The following RHPN1 variants were observed in gnomAD, a reference collection of about 807,000 sequenced individuals.
The protein encoded by RHPN1 is rhophilin Rho GTPase binding protein 1, also known as rhophilin-1.
Under a neutral mutation model 74.7 loss-of-function variants are expected in RHPN1, and 77 were observed. The ratio of observed to expected loss-of-function variants is 1.03; its 90% CI spans 0.86 to 1.25. The LOEUF is 1.25. Among genes scored for constraint, RHPN1 ranks in the 50% most tolerant of loss-of-function variants. The probability of loss-of-function intolerance (pLI) is 0.00; values close to 1 mark genes in which losing one functional copy is unlikely to be tolerated. For synonymous variants in RHPN1, 444 were observed against 414.5 expected (o/e 1.07, Z -0.87); for missense variants, 987 against 932.2 (o/e 1.06, Z -0.77).
chr8:143,381,453 A>G, intron 12 of RHPN1, 109 bp downstream of exon 12: 3 of 1,457,858 alleles, frequency 2.1e-6, no homozygotes, highest in Non-Finnish European at 1.9e-6. Context: ...AGCCCTCCCC[A>G]CCCACCTTGT....
chr8:143,366,416 T>C (rs1469173680), upstream of RHPN1, among the ~76,000 whole-genome samples: 2 of 151,648 alleles, frequency 1.3e-5, no homozygotes, highest in East Asian at 3.9e-4. Flanking sequence ...AAAAGGAAAC[T>C]CTAAATTTTT....
Position 143,380,735 on chromosome 8 carries a change from G to T in RHPN1, c.1363G>T (p.Asp455Tyr). 1.3e-6 allele frequency: 2 copies of T among 1,594,536 alleles called. No individual in the cohort carries two copies. The highest frequency in any genetic ancestry group is 8.5e-7 in the Non-Finnish European group (1 of 1,170,950). ...CTCACTGGCCAAGTATGCGGAGCTC[G>T]ACCGTGAGGATGACTTCTGTGAGGC... Reference protein sequence around the residue: ...QRSLAKYAELDREDDFCEAAE... With the variant: ...QRSLAKYAELYREDDFCEAAE... Residue 455 changes from aspartate to tyrosine, a missense_variant, in exon 11 of 15, where the codon GAC becomes TAC. Asp to Tyr is a radical substitution (Grantham distance 160). Coordinates refer to ENST00000289013, the MANE Select transcript of RHPN1 (RefSeq NM_052924.3).
Position 143,372,386 on chromosome 8 carries a change from T to G in RHPN1, c.61-3167T>G, listed in dbSNP as rs528147824. Among the ~76,000 whole-genome samples, 126 of 152,194 alleles carry G rather than the reference T, an allele frequency of 8.3e-4. 1 individual carries two copies. Among genetic ancestry groups the G allele is most frequent in the Admixed American group, 7.7e-3 (118 of 15,288 alleles). On this transcript the variant is annotated intron_variant, in intron 1 of 14. Transcript: ENST00000289013. Reference sequence around the variant, plus strand: ...CATGCCCCTCTCCCACCTGTGGGCCTCTCCAGCCCGAGTCCCTGAAGCAGC... The same window carrying G: ...CATGCCCCTCTCCCACCTGTGGGCCGCTCCAGCCCGAGTCCCTGAAGCAGC...
At chr8:143,377,531 C>T in intron 4 of RHPN1, 76 bp downstream of exon 4, 1 of 1,038,910 alleles carries the variant, frequency 9.6e-7, no homozygotes, top group Non-Finnish European at 1.5e-6. Context: ...CTTTCTGGTC[C>T]AGCTGTCTGG....
chr8:143,366,519 ACACACACACACACG>A (rs1457296872), upstream of RHPN1: 3 of 151,902 alleles, frequency 2.0e-5, no homozygotes, highest in East Asian at 1.9e-4. Context: ...ACACACACAC[ACACACACACACACG>A]CACACACGCA....
chr8:143,376,630 C>A lies in RHPN1; in HGVS notation c.282C>A (p.Gly94=). 4 of 1,580,480 alleles carry A rather than the reference C, an allele frequency of 2.5e-6. No homozygotes were observed. Among genetic ancestry groups the A allele is most frequent in the Non-Finnish European group, 3.4e-6 (4 of 1,163,656 alleles). The change falls in exon 3 of 15, where the codon GGC becomes GGA. Residue 94 remains glycine (G), a synonymous_variant. Transcript: ENST00000289013. The part of the protein sequence containing the change: ...LKEELEELSG[G]VDPGRHGSEA... ...AGGAGCTGGAGGAGCTCAGCGGTGG[C>A]GTGGACCCTGGCCGGCATGGGAGGT...
intron 2 of RHPN1, 54 bp downstream of exon 2, chr8:143,375,722 G>GTT: frequency 7.2e-7 from 1 of 1,380,372 alleles, no homozygotes; most frequent in Non-Finnish European, 1.0e-6. Flanking sequence ...GGGTGAGGGG[G>GTT]GCAGGACAGC....
upstream of RHPN1, chr8:143,367,464 C>T (rs1388157788): frequency 2.0e-5 from 3 of 152,364 alleles, no homozygotes; most frequent in African/African-American, 7.2e-5. Flanking sequence ...CCACTGCACT[C>T]CGGCCTGGGG....
intron 1 of RHPN1, among the ~76,000 whole-genome samples, chr8:143,369,852 C>T (rs1386619597): frequency 6.6e-6 from 1 of 152,262 alleles, no homozygotes; most frequent in East Asian, 1.9e-4. Flanking sequence ...TGTGTTGTCC[C>T]TGGGCTGGTT....
chr8:143,378,732 G>A lies in RHPN1; in HGVS notation c.496G>A (p.Glu166Lys), dbSNP rs1450394962. 1.3e-6 allele frequency: 2 copies of A among 1,594,596 alleles called. No homozygotes were observed. Among genetic ancestry groups the A allele is most frequent in the Non-Finnish European group, 1.7e-6 (2 of 1,171,382 alleles). The change falls in exon 6 of 15, where the codon GAG becomes AAG. Residue 166 changes from glutamate to lysine, a missense_variant. Glu to Lys is a moderately conservative substitution (Grantham distance 56). Transcript: ENST00000289013. ...CCCCAGCCGGAATGAGTCGGGCCTGGAGCTGCTCACAGCCTATTACAACCA... is the reference window on the plus strand; with the variant it reads ...CCCCAGCCGGAATGAGTCGGGCCTGAAGCTGCTCACAGCCTATTACAACCA... ...RTPSRNESGL[E>K]LLTAYYNQLC...
intron 1 of RHPN1, 134 bp downstream of exon 1, chr8:143,369,181 C>A: frequency 1.6e-6 from 1 of 618,234 alleles, no homozygotes; most frequent in South Asian, 2.5e-5. Flanking sequence ...AAACTGAGGC[C>A]AGAGCCTGCG....
chr8:143,380,700 CGCT>C lies in RHPN1; in HGVS notation c.1331_1333del (p.Leu444del). The C allele has an allele frequency of 6.3e-7, 1 of 1,588,812 alleles. No individual in the cohort carries two copies. The highest frequency in any genetic ancestry group is 1.3e-5 in the African/African-American group (1 of 74,558). On this transcript the variant is annotated inframe_deletion, in exon 11 of 15. Transcript: ENST00000289013. ...CTGCTTCGGGCTGTGATCTCCCAGA[CGCT>C]GCAGCGCTCACTGGCCAAGTATGCG...
chr8:143,378,080 T>C (rs1007235039), intron 4 of RHPN1, among the ~76,000 whole-genome samples, 189 bp from the exon 5 acceptor site: 2 of 152,198 alleles, frequency 1.3e-5, no homozygotes, highest in African/African-American at 4.8e-5. Context: ...TCCATACACA[T>C]TGGCCCCCAG....
chr8:143,374,418 G>T, intron 1 of RHPN1: 1 of 738,782 alleles, frequency 1.4e-6, no homozygotes, highest in South Asian at 6.1e-5. Context: ...TTGTCTTGCT[G>T]CTGACTGGCA....
rs1817712929 is a variant in RHPN1, at chr8:143,369,894, C to T, written c.60+847C>T. On this transcript the variant is annotated intron_variant, in intron 1 of 14. Coordinates refer to ENST00000289013, the MANE Select transcript of RHPN1 (RefSeq NM_052924.3). ...GGCTTTGGTGTTTGGGGTTAGGTCT[C>T]CTAGAGGAGGAGGCGGTGCTATCAG... 3.9e-5 allele frequency among the ~76,000 whole-genome samples: 6 copies of T among 152,330 alleles called. No individual in the cohort carries two copies. In the South Asian group the frequency reaches 1.0e-3, roughly 26 times the overall value.
intron 10 of RHPN1, 110 bp from the exon 11 acceptor site, chr8:143,380,479 C>G (rs10093558): frequency 7.4e-5 from 80 of 1,083,384 alleles, no homozygotes; most frequent in Non-Finnish European, 1.3e-5. Context: ...GCACCCCCAA[C>G]GAAAGTGGCT....
At chr8:143,372,720 TGGGTGTCCAGGGGATGGTGC>T (rs1182349720) in intron 1 of RHPN1, among the ~76,000 whole-genome samples, 6 of 150,552 alleles carry the variant, frequency 4.0e-5, no homozygotes, top group Non-Finnish European at 8.9e-5. Flanking sequence ...GCTGCCGGCC[TGGGTGTCCAGGGGATGGTGC>T]GGGTGTCCAG....
chr8:143,382,766 T>A lies in RHPN1; in HGVS notation c.*115T>A. The A allele has an allele frequency of 1.1e-6, 1 of 888,714 alleles. No individual in the cohort carries two copies. The highest frequency in any genetic ancestry group is 1.7e-6 in the Non-Finnish European group (1 of 588,758). The allele number at this position is 888,714 out of a possible 1,614,324, so 55.1% of individuals were successfully genotyped here. On this transcript the variant is annotated 3_prime_UTR_variant, in exon 15 of 15. Coordinates refer to ENST00000289013, the MANE Select transcript of RHPN1 (RefSeq NM_052924.3). ...GCCTGTCCCGCCTCATGCTGGAGGC[T>A]GCCTCGGGCACCTGCCTGCCCATTA...
chr8:143,376,089 G>A (rs1327620228), intron 2 of RHPN1, among the ~76,000 whole-genome samples: 4 of 152,176 alleles, frequency 2.6e-5, no homozygotes, highest in South Asian at 4.1e-4. Flanking sequence ...AGTGCCCCTC[G>A]GTCCCCTTAG....
Sources: gnomAD v4.1 joint callset for allele counts (sites outside exome capture counted in the v4.1 genomes callset) on GRCh38, gnomAD v4.1.1 for gene constraint, MANE v1.5 for transcripts, NCBI Gene and HGNC (gene_info 2026-07-23, HGNC 2026-07-21) for gene names.